UGT1A7: variants seen among roughly 807,000 people sequenced by gnomAD.
The protein encoded by UGT1A7 is UDP-glucuronosyltransferase 1A7.
Under a neutral mutation model 45.6 loss-of-function variants are expected in UGT1A7, and 33 were observed. The ratio of observed to expected loss-of-function variants is 0.72; its 90% confidence interval spans 0.55 to 0.97. The LOEUF is 0.97. Ranked by LOEUF, UGT1A7 falls within the 50% of genes least tolerant of loss-of-function variation. The probability of loss-of-function intolerance (pLI) is 0.00; values close to 1 mark genes in which losing one functional copy is unlikely to be tolerated. For synonymous variants in UGT1A7, 274 were observed against 250.6 expected, an observed-to-expected ratio of 1.09 and a Z score of -0.88; for missense variants, 684 against 666.2, an observed-to-expected ratio of 1.03 and a Z score of -0.29.
At chr2:233,750,156 T>C (rs953586925) in intron 1 of UGT1A7, among the ~76,000 whole-genome samples, 2 of 151,902 alleles carry the variant, frequency 1.3e-5, no homozygotes, top group Non-Finnish European at 2.9e-5. Flanking sequence ...ACTTGTTGAA[T>C]GGTTTTGACC....
intron 1 of UGT1A7, chr2:233,690,589 A>G (rs1328704294): frequency 2.3e-4 from 77 of 338,396 alleles, no homozygotes; most frequent in Non-Finnish European, 3.2e-4. Flanking sequence ...AATCCCTGAG[A>G]AAAAAAAAAA....
chr2:233,692,798 G>A (rs951842538), intron 1 of UGT1A7: 26 of 1,382,070 alleles, frequency 1.9e-5, no homozygotes, highest in African/African-American at 5.9e-5. Context: ...AAGCTGACAC[G>A]GCCATAGTTG....
chr2:233,702,192 C>G (rs1433115876), intron 1 of UGT1A7, among the ~76,000 whole-genome samples: 1 of 152,200 alleles, frequency 6.6e-6, no homozygotes. Context: ...CCTCCAGCCC[C>G]TGGCAGCCAT....
chr2:233,724,161 C>A (rs1575550445), intron 1 of UGT1A7, among the ~76,000 whole-genome samples: 1 of 122,434 alleles, frequency 8.2e-6, no homozygotes, highest in African/African-American at 3.7e-5. Context: ...GGTGGGGGGG[C>A]TGACCCCCCC....
chr2:233,689,418 G>A (rs1195966821), intron 1 of UGT1A7, among the ~76,000 whole-genome samples: 1 of 152,192 alleles, frequency 6.6e-6, no homozygotes, highest in African/African-American at 2.4e-5. Flanking sequence ...TCTCTCTAAT[G>A]GCTTGCAAGT....
chr2:233,718,895 G>A (rs1353556395), intron 1 of UGT1A7: 3 of 1,614,026 alleles, frequency 1.9e-6, no homozygotes, highest in Non-Finnish European at 8.5e-7. Context: ...TCCAGCCCTG[G>A]GCTGAGAGTG....
At chr2:233,721,896 G>T in intron 1 of UGT1A7, 1 of 474,320 alleles carries the variant, frequency 2.1e-6, no homozygotes, top group South Asian at 1.5e-5. Flanking sequence ...TTGCAATATC[G>T]AAATGGTGCA....
chr2:233,753,244 G>A (rs1445000409), intron 1 of UGT1A7: 1 of 152,136 alleles, frequency 6.6e-6, no homozygotes, highest in Non-Finnish European at 1.5e-5. Flanking sequence ...TATTATTTAA[G>A]AAGCAACTAC....
chr2:233,772,269 G>C lies in UGT1A7; in HGVS notation c.1303G>C (p.Glu435Gln), dbSNP rs868814380. The C allele has an allele frequency of 1.2e-6, 2 of 1,614,106 alleles. No homozygotes were observed. The highest frequency in any genetic ancestry group is 1.7e-6 in the Non-Finnish European group (2 of 1,180,050). Residue 435 changes from glutamate to glutamine, a missense_variant, in exon 5 of 5, where the codon GAG becomes CAG. Transcript: ENST00000373426. ...AACTGTCTTTGTGTTTAGTTACAAG[G>C]AGAACATCATGCGCCTCTCCAGCCT... The part of the protein sequence containing the change: ...KAVINDKSYK[E>Q]NIMRLSSLHK...
Position 233,742,959 on chromosome 2 carries a change from T to C in UGT1A7, c.856-24075T>C, listed in dbSNP as rs191993803. ...TCCTACCACTAGCAAATAATCATTG[T>C]CTGCCTCAGGCTTAAGTTTAATAAA... is the stretch of plus-strand genomic sequence containing the variant. On this transcript the variant is annotated intron_variant, in intron 1 of 4. Coordinates refer to ENST00000373426, the MANE Select transcript of UGT1A7 (RefSeq NM_019077.3). 2.6e-4 allele frequency: 57 copies of C among 217,402 alleles called. No individual in the cohort carries two copies. In the East Asian group the frequency reaches 5.8e-3, roughly 22 times the overall value. The allele number at this position is 217,402 out of a possible 1,614,324, so 13.5% of individuals were successfully genotyped here.
chr2:233,697,064 T>C (rs2075372984), intron 1 of UGT1A7, among the ~76,000 whole-genome samples: 1 of 152,012 alleles, frequency 6.6e-6, no homozygotes, highest in Non-Finnish European at 1.5e-5. Context: ...CCTTGTCTGG[T>C]TTTGGTATCA....
At chr2:233,718,401 C>T (rs1023321432) in intron 1 of UGT1A7, among the ~76,000 whole-genome samples, 2 of 152,202 alleles carry the variant, frequency 1.3e-5, no homozygotes, top group Non-Finnish European at 2.9e-5. Flanking sequence ...TAGCAAATAG[C>T]GTCACATTCA....
chr2:233,706,787 C>A (rs2075924300), intron 1 of UGT1A7, among the ~76,000 whole-genome samples: 2 of 152,154 alleles, frequency 1.3e-5, no homozygotes, highest in South Asian at 4.1e-4. Context: ...GAGAGAAATA[C>A]CATGCACCAA....
At position 233,727,644 on chromosome 2, in the gene UGT1A7, C is replaced by A. The variant is rs139554548; in HGVS notation, c.856-39390C>A. Among the ~76,000 whole-genome samples the A allele has an allele frequency of 3.5e-3, 526 of 152,272 alleles. 4 individuals are homozygous for A. The highest frequency in any genetic ancestry group is 0.012 in the African/African-American group (505 of 41,558). Reference sequence around the variant, plus strand: ...AGAGGTTGCACCCACAGCTGAGAATCCCTTTCTAGTGCTCTATGTCCTTAC... The same window carrying A: ...AGAGGTTGCACCCACAGCTGAGAATACCTTTCTAGTGCTCTATGTCCTTAC... On this transcript the variant is annotated intron_variant, in intron 1 of 4. Transcript: ENST00000373426.
intron 1 of UGT1A7, among the ~76,000 whole-genome samples, chr2:233,744,685 T>C (rs1692890031): frequency 6.6e-6 from 1 of 151,898 alleles, no homozygotes; most frequent in Non-Finnish European, 1.5e-5. Flanking sequence ...CCCATGTAGC[T>C]TCTGGAAAAC....
At chr2:233,760,942 C>G (rs1253140529) in intron 1 of UGT1A7, 13 of 1,614,092 alleles carry the variant, frequency 8.1e-6, no homozygotes, top group Non-Finnish European at 1.1e-5. Flanking sequence ...TGCCTTTTCA[C>G]AGAACTTTCT....
At chr2:233,715,057 T>G (rs1032772184) in intron 1 of UGT1A7, among the ~76,000 whole-genome samples, 3 of 152,140 alleles carry the variant, frequency 2.0e-5, no homozygotes, top group African/African-American at 2.4e-5. Context: ...TCTTTTTTTT[T>G]GTATTTTTTA....
chr2:233,768,750 T>C (rs190233981), intron 4 of UGT1A7, among the ~76,000 whole-genome samples: 30 of 152,044 alleles, frequency 2.0e-4, no homozygotes, highest in Admixed American at 8.5e-4. Flanking sequence ...GCCCGGTTAA[T>C]TTTTGTATTT....
chr2:233,706,288 G>GT (rs143392067), intron 1 of UGT1A7, among the ~76,000 whole-genome samples: 2,206 of 152,350 alleles, frequency 0.014, 39 homozygotes, highest in South Asian at 0.042. Flanking sequence ...GTGGGGCCCA[G>GT]TGCCAGGTAC....
Sources: gnomAD v4.1 joint callset for allele counts (sites outside exome capture counted in the v4.1 genomes callset) on GRCh38, gnomAD v4.1.1 for gene constraint, MANE v1.5 for transcripts, NCBI Gene and HGNC (gene_info 2026-07-23, HGNC 2026-07-21) for gene names.